Variants in CAMTA1 observed in about 807,000 individuals in gnomAD.
The protein encoded by CAMTA1 is calmodulin binding transcription activator 1, also known as calmodulin-binding transcription activator 1.
CAMTA1 carries 27 observed loss-of-function variants against 170.9 expected under a neutral mutation model. The ratio of observed to expected loss-of-function variants is 0.16; its 90% CI spans 0.12 to 0.22. The LOEUF is 0.22. Ranked by LOEUF, CAMTA1 falls within the 10% of genes least tolerant of loss-of-function variation. The pLI, the probability that CAMTA1 is intolerant of heterozygous loss-of-function variation, is 1.00. For synonymous variants in CAMTA1, 833 were observed against 891.5 expected, an observed-to-expected ratio of 0.93 and a Z score of 1.17; for missense variants, 1,619 against 2,217.2, an observed-to-expected ratio of 0.73 and a Z score of 5.42.
At chr1:7,149,713 G>A (rs1646457483) in intron 4 of CAMTA1, among the ~76,000 whole-genome samples, 2 of 152,316 alleles carry the variant, frequency 1.3e-5, no homozygotes, top group South Asian at 4.1e-4. Context: ...CTGAGTGCTG[G>A]GGGATGGGCA....
chr1:7,501,454 G>A (rs1032031989), intron 6 of CAMTA1, among the ~76,000 whole-genome samples: 1 of 152,156 alleles, frequency 6.6e-6, no homozygotes, highest in South Asian at 2.1e-4. Flanking sequence ...TCTCATTAGG[G>A]ATGGCCTTGG....
chr1:7,411,907 C>T (rs371212587), intron 5 of CAMTA1, among the ~76,000 whole-genome samples: 1 of 133,458 alleles, frequency 7.5e-6, no homozygotes, highest in Non-Finnish European at 1.6e-5. Context: ...ATCCCTCCCC[C>T]CTCCCCCCAC....
chr1:7,318,959 A>C (rs1025495766), intron 5 of CAMTA1, among the ~76,000 whole-genome samples: 4 of 152,182 alleles, frequency 2.6e-5, no homozygotes, highest in Non-Finnish European at 4.4e-5. Context: ...GTTGGGGTGA[A>C]AATGGACGAC....
intron 3 of CAMTA1, among the ~76,000 whole-genome samples, chr1:6,890,197 G>A (rs192412078): frequency 1.4e-4 from 21 of 152,262 alleles, no homozygotes; most frequent in Admixed American, 4.6e-4. Flanking sequence ...TTCAGTGCTC[G>A]TCAGTTTCCT....
In CAMTA1 at chr1:7,736,187, G is replaced by T. The variant is rs1306138334; in HGVS notation, c.3067-157G>T. Among the ~76,000 whole-genome samples the T allele has an allele frequency of 6.6e-6, 1 of 152,206 alleles. No individual in the cohort carries two copies. Among genetic ancestry groups the T allele is most frequent in the Non-Finnish European group, 1.5e-5 (1 of 68,042 alleles). Reference sequence around the variant, plus strand: ...CCCAAAGTGCTAGGATTTCAGGCATGATCCAGCATGCCCAGCCAATGTTTC... The same window carrying T: ...CCCAAAGTGCTAGGATTTCAGGCATTATCCAGCATGCCCAGCCAATGTTTC... On this transcript the variant is annotated intron_variant, in intron 12 of 22. Transcript: ENST00000303635. The surrounding 1 kb of genome is among the most constrained non-coding windows in gnomAD (Gnocchi z 4.5).
intron 6 of CAMTA1, among the ~76,000 whole-genome samples, chr1:7,507,200 A>T (rs1024282991): frequency 2.5e-4 from 38 of 151,984 alleles, no homozygotes; most frequent in Admixed American, 2.6e-4. Context: ...ACACCCTCAC[A>T]GTGGCACACT....
chr1:7,743,972 G>A (rs1208423462), intron 16 of CAMTA1, among the ~76,000 whole-genome samples: 2 of 141,488 alleles, frequency 1.4e-5, no homozygotes, highest in East Asian at 2.1e-4. Context: ...CACTACAGGC[G>A]CCCGCCACCA....
chr1:7,258,786 C>T (rs1291622655), intron 5 of CAMTA1, among the ~76,000 whole-genome samples: 1 of 152,192 alleles, frequency 6.6e-6, no homozygotes, highest in African/African-American at 2.4e-5. Flanking sequence ...TCATTGGCGG[C>T]TGTGGCTTAT....
At chr1:7,487,982 C>T (rs2093639878) in intron 6 of CAMTA1, among the ~76,000 whole-genome samples, 1 of 152,184 alleles carries the variant, frequency 6.6e-6, no homozygotes. Flanking sequence ...CACAGCCTCT[C>T]AGGAAAAGCC....
chr1:7,525,869 G>A (rs1006607759), intron 6 of CAMTA1, among the ~76,000 whole-genome samples: 1 of 152,044 alleles, frequency 6.6e-6, no homozygotes. Context: ...TCTGAAGAGG[G>A]AGGCAGGCAA....
rs188816156 is a variant in CAMTA1 at position 6,871,956 on chromosome 1, G to C, written c.234+46746G>C. The C allele has an allele frequency of 1.7e-3, 2,208 of 1,278,734 alleles. 3 individuals are homozygous for C. The highest frequency in any genetic ancestry group is 2.1e-3 in the Non-Finnish European group (2,078 of 1,011,900). 79.2% of individuals were successfully genotyped at this position (1,278,734 alleles called of 1,614,324 possible). On this transcript the variant is annotated intron_variant, in intron 3 of 22. Coordinates refer to ENST00000303635, the MANE Select transcript of CAMTA1 (RefSeq NM_015215.4). ...TCCTCAAATAGAGATACCCCTTTGA[G>C]TGATAAATTTGCAAAATGCTGTCTT...
Position 7,737,356 on chromosome 1 carries a change from G to A in CAMTA1, c.3444G>A (p.Leu1148=), listed in dbSNP as rs747748761. The change falls in exon 15 of 23, where the codon TTG becomes TTA. Residue 1148 remains leucine, a synonymous_variant. Transcript: ENST00000303635. ...CCGACTCTCTAGGAAGGCTGCCTTT[G>A]GGAATTGCCAGGTCACGGGGTCATG... ...SIPDSLGRLP[L]GIARSRGHVK... The A allele has an allele frequency of 1.2e-5, 20 of 1,614,230 alleles. No individual in the cohort carries two copies. In the South Asian group the frequency reaches 2.2e-4, roughly 18 times the overall value.
intron 5 of CAMTA1, among the ~76,000 whole-genome samples, chr1:7,301,459 C>G (rs1674747521): frequency 6.6e-6 from 1 of 152,214 alleles, no homozygotes; most frequent in Non-Finnish European, 1.5e-5. Context: ...AGTTTCCCAG[C>G]CCTTGTTGAT....
chr1:7,234,525 G>A lies in CAMTA1; in HGVS notation c.303-14966G>A, dbSNP rs1365253735. On this transcript the variant is annotated intron_variant, in intron 4 of 22. Coordinates refer to ENST00000303635, the MANE Select transcript of CAMTA1 (RefSeq NM_015215.4). This position sits in a 1 kb window ranked among gnomAD's most constrained non-coding sequence, Gnocchi z 5.0. ...GGCTGTGGCACCCTCAGCACCCGGC[G>A]TGAATGCTCAGCCGTGATAGCTGCT... Among the ~76,000 whole-genome samples, 1 of 152,216 alleles carries A rather than the reference G, an allele frequency of 6.6e-6. No homozygotes were observed. Among genetic ancestry groups the A allele is most frequent in the East Asian group, 1.9e-4 (1 of 5,190 alleles).
At chr1:7,123,029 G>T (rs1386570877) in intron 4 of CAMTA1, among the ~76,000 whole-genome samples, 4 of 152,300 alleles carry the variant, frequency 2.6e-5, no homozygotes, top group Non-Finnish European at 4.4e-5. Flanking sequence ...TCCAAACGTG[G>T]TCTGCAAGCC....
At chr1:7,474,274 A>G (rs1448491369) in intron 6 of CAMTA1, among the ~76,000 whole-genome samples, 1 of 136,864 alleles carries the variant, frequency 7.3e-6, no homozygotes, top group African/African-American at 2.7e-5. Context: ...TCTGAGTCTC[A>G]GTTAGCTCAT....
intron 3 of CAMTA1, among the ~76,000 whole-genome samples, chr1:6,899,571 C>CACACAT (rs1206872734): frequency 6.6e-6 from 1 of 151,978 alleles, no homozygotes. Context: ...CACACACACA[C>CACACAT]ACACACACAC....
intron 4 of CAMTA1, among the ~76,000 whole-genome samples, chr1:7,187,991 G>A (rs756814400): frequency 3.3e-5 from 5 of 152,178 alleles, no homozygotes; most frequent in Non-Finnish European, 7.3e-5. Context: ...CTGCATGGCT[G>A]GGGAGGCCTC....
At position 7,482,847 on chromosome 1, in the gene CAMTA1, G is replaced by A. The variant is rs117012180; in HGVS notation, c.510+14946G>A. 9.0e-3 allele frequency among the ~76,000 whole-genome samples: 1,364 copies of A among 152,246 alleles called. 42 individuals are homozygous for A. The highest frequency in any genetic ancestry group is 0.068 in the East Asian group (354 of 5,172). On this transcript the variant is annotated intron_variant, in intron 6 of 22. Transcript: ENST00000303635. This position sits in a 1 kb window ranked among gnomAD's most constrained non-coding sequence, Gnocchi z 4.2. ...GAGGAGGTGGCATTGGGGTGCAGGC[G>A]TCTCCTGTGGAAAGTCCCCAGCTCA...
Sources: gnomAD v4.1 joint callset for allele counts (sites outside exome capture counted in the v4.1 genomes callset) on GRCh38, gnomAD v4.1.1 for gene constraint, Gnocchi (gnomAD v3.1) non-coding constraint, MANE v1.5 for transcripts, NCBI Gene and HGNC (gene_info 2026-07-23, HGNC 2026-07-21) for gene names.